The following MED24 variants were observed in gnomAD, a reference collection of about 807,000 sequenced individuals.
The protein encoded by MED24 is mediator of RNA polymerase II transcription subunit 24.
In MED24, 74 loss-of-function variants were observed where a neutral mutation model predicts 118.8. The observed-to-expected ratio is 0.62, with a 90% CI of 0.52 to 0.76. MED24 has a LOEUF of 0.76. MED24 is among the 30% of genes least tolerant of loss of function. MED24 has a pLI of 0.00. For missense variants in MED24, 1,041 were observed against 1,278.9 expected, an observed-to-expected ratio of 0.81 and a Z score of 2.84; for synonymous variants, 521 against 523.9, an observed-to-expected ratio of 0.99 and a Z score of 0.08.
chr17:40,052,098 G>T (rs112555635), intron 3 of MED24, among the ~76,000 whole-genome samples: 1 of 152,092 alleles, frequency 6.6e-6, no homozygotes, highest in South Asian at 2.1e-4. Context: ...TTCAAGACCA[G>T]CCTGGCCAAT....
chr17:40,036,686 C>CAAAAAA (rs68118020), intron 3 of MED24, among the ~76,000 whole-genome samples: 2 of 91,412 alleles, frequency 2.2e-5, no homozygotes, highest in Non-Finnish European at 4.3e-5. Context: ...GACTCTGTCT[C>CAAAAAA]AAAAAAAAAA....
At chr17:40,052,403 C>T (rs1985954782) in intron 3 of MED24, among the ~76,000 whole-genome samples, 1 of 152,204 alleles carries the variant, frequency 6.6e-6, no homozygotes, top group Non-Finnish European at 1.5e-5. Context: ...AGCATCTGTA[C>T]TCTATCCTAA....
intron 10 of MED24, 88 bp downstream of exon 10, chr17:40,031,955 A>T (rs117551492): frequency 1.4e-6 from 2 of 1,440,350 alleles, no homozygotes; most frequent in East Asian, 4.6e-5. Context: ...TCTTCCAGGC[A>T]TGAGAACACT....
At chr17:40,047,931 T>A in intron 3 of MED24, among the ~76,000 whole-genome samples, 1 of 152,160 alleles carries the variant, frequency 6.6e-6, no homozygotes, top group East Asian at 1.9e-4. Context: ...GGTTTCACCA[T>A]GTTGGTCAGG....
intron 4 of MED24, 45 bp from the exon 5 acceptor site, chr17:40,035,840 C>G (rs369861489): frequency 1.3e-6 from 2 of 1,561,838 alleles, no homozygotes; most frequent in South Asian, 1.1e-5. Flanking sequence ...CTCCATCCAC[C>G]CCCAGGTCTC....
chr17:40,027,496 G>A (rs370396997), intron 15 of MED24, 31 bp from the exon 16 acceptor site: 59 of 1,578,014 alleles, frequency 3.7e-5, no homozygotes, highest in Non-Finnish European at 4.6e-5. Flanking sequence ...TGAGCTCCCA[G>A]ACGAGGGCAG....
intron 3 of MED24, among the ~76,000 whole-genome samples, chr17:40,047,067 C>T (rs1466522655): frequency 1.3e-5 from 2 of 151,364 alleles, no homozygotes. Context: ...GTGATCCTGC[C>T]ATTGCACACT....
rs778053085 is a variant in MED24 at position 40,026,659 on chromosome 17, G to C, written c.1797C>G (p.Phe599Leu). ...AAGGCGGGGCTACCTGGATGGACTCGAAGGCCAGGACCCCATTCTCCCAGG... is the reference window on the plus strand; with the variant it reads ...AAGGCGGGGCTACCTGGATGGACTCCAAGGCCAGGACCCCATTCTCCCAGG... ...LNAWENGVLA[F>L]ESIQKITDNI... The change falls in exon 18 of 26, where the codon TTC becomes TTG. Residue 599 changes from phenylalanine to leucine, a missense_variant. Phe to Leu is a conservative substitution (Grantham distance 22, BLOSUM62 0). This residue lies in a region of MED24 where 587 missense variants were observed against 694.4 expected (regional missense o/e 0.85). Transcript: ENST00000394128. The C allele has an allele frequency of 3.7e-6, 6 of 1,609,388 alleles. No individual in the cohort carries two copies. The Admixed American group carries it at 8.4e-5, about 23-fold the overall frequency.
rs1982247577 is a variant in MED24, at chr17:40,023,211, C to G, written c.2170G>C (p.Val724Leu). 1 of 1,614,030 alleles carries G rather than the reference C, an allele frequency of 6.2e-7. No homozygotes were observed. Among genetic ancestry groups the G allele is most frequent in the South Asian group, 1.1e-5 (1 of 91,092 alleles). ...IFAKVLEKGW[V>L]DSRSIHIFDT... Reference sequence around the variant, plus strand: ...AAGATGTGGATGGAGCGGCTGTCCACCCAGCCCTTCTCCAGCACCTTGGCA... The same window carrying G: ...AAGATGTGGATGGAGCGGCTGTCCAGCCAGCCCTTCTCCAGCACCTTGGCA... The change falls in exon 20 of 26, where the codon GTG becomes CTG. Residue 724 changes from valine (V) to leucine (L), a missense_variant. This residue lies in a region of MED24 where 587 missense variants were observed against 694.4 expected (regional missense o/e 0.85). Transcript: ENST00000394128.
Position 40,023,295 on chromosome 17 carries a change from G to T in MED24, c.2086C>A (p.Pro696Thr). ...TTGGGGGGCAGCAGGTTCCAGTAGGGCATTGTGTCCACCCCGGTGGAGGGA... is the reference window on the plus strand; with the variant it reads ...TTGGGGGGCAGCAGGTTCCAGTAGGTCATTGTGTCCACCCCGGTGGAGGGA... ...KFPSTGVDTM[P>T]YWNLLPPKRP... is the part of the protein sequence containing the mutation. Residue 696 changes from proline (P) to threonine (T), a missense_variant, in exon 20 of 26, where the codon CCC (proline) becomes ACC (threonine). By Grantham distance (38) the Pro-to-Thr change is conservative. This residue lies in a region of MED24 where 587 missense variants were observed against 694.4 expected (regional missense o/e 0.85). Coordinates refer to ENST00000394128, the MANE Select transcript of MED24 (RefSeq NM_014815.4). 6.2e-7 allele frequency: 1 copy of T among 1,614,118 alleles called. No individual in the cohort carries two copies.
At chr17:40,029,059 T>C (rs1983063229) in intron 13 of MED24, 91 bp from the exon 14 acceptor site, 2 of 1,533,016 alleles carry the variant, frequency 1.3e-6, no homozygotes, top group South Asian at 1.2e-5. Context: ...CTTCACAACC[T>C]GGAATGTAAT....
At chr17:40,026,413 C>A in intron 18 of MED24, 82 bp from the exon 19 acceptor site, 1 of 1,529,858 alleles carries the variant, frequency 6.5e-7, no homozygotes, top group Non-Finnish European at 8.9e-7. Flanking sequence ...CTGCGGGCAG[C>A]TAAGTGCAGC....
At chr17:40,021,851 G>T in intron 23 of MED24, 104 bp downstream of exon 23, 3 of 854,690 alleles carry the variant, frequency 3.5e-6, no homozygotes, top group Admixed American at 2.3e-5. Context: ...CACCCTCTCT[G>T]ACCAGCTGCA....
In MED24 at chr17:40,043,044, C is replaced by G. The variant is rs190832568; in HGVS notation, c.214-6890G>C. Among the ~76,000 whole-genome samples the G allele has an allele frequency of 9.2e-5, 14 of 152,296 alleles. No homozygotes were observed. In the East Asian group the frequency reaches 2.7e-3, roughly 29 times the overall value. The stretch of plus-strand genomic sequence containing the variant: ...TCAGCTCACCGCAAGTGCGCCTCCG[C>G]GGTTCAAAGGATTCTGCTGCCTCAG... On this transcript the variant is annotated intron_variant, in intron 3 of 25. Transcript: ENST00000394128.
At position 40,019,387 on chromosome 17, in the gene MED24, C is replaced by T. The variant is rs371295712; in HGVS notation, c.*142G>A. The T allele has an allele frequency of 2.6e-5, 18 of 687,822 alleles. No homozygotes were observed. Among genetic ancestry groups the T allele is most frequent in the Admixed American group, 2.5e-5 (1 of 39,602 alleles). The allele number at this position is 687,822 out of a possible 1,614,324, so 42.6% of individuals were successfully genotyped here. On this transcript the variant is annotated 3_prime_UTR_variant, in exon 26 of 26. Coordinates refer to ENST00000394128, the MANE Select transcript of MED24 (RefSeq NM_014815.4). Reference sequence around the variant, plus strand: ...CATCCTGGAGGTCAGGAGTCAGGAGCGGGGAACTGGAAGCCGCTAGAGGCT... The same window carrying T: ...CATCCTGGAGGTCAGGAGTCAGGAGTGGGGAACTGGAAGCCGCTAGAGGCT...
chr17:40,043,815 C>T (rs1429470639), intron 3 of MED24, among the ~76,000 whole-genome samples: 7 of 146,552 alleles, frequency 4.8e-5, no homozygotes, highest in Admixed American at 7.0e-5. Context: ...GGCATGAACC[C>T]GGGAGGTGGA....
At chr17:40,032,809 G>A (rs760316966) in intron 8 of MED24, 47 bp from the exon 9 acceptor site, 42 of 1,521,950 alleles carry the variant, frequency 2.8e-5, no homozygotes, top group South Asian at 9.0e-5. Context: ...CCCATACCCC[G>A]TCACCCTTCT....
rs1266080405 is a variant in MED24, at chr17:40,026,147, G to T, written c.1985+9C>A. The T allele has an allele frequency of 6.2e-7, 1 of 1,609,672 alleles. No individual in the cohort carries two copies. The highest frequency in any genetic ancestry group is 2.2e-5 in the East Asian group (1 of 44,780). The stretch of plus-strand genomic sequence containing the variant: ...TGAAGGGTCTGAGAAGGGAAGGCAG[G>T]TTACCGACCTCTCATTGTAGAACTG... On this transcript the variant is annotated intron_variant, in intron 19 of 25. Coordinates refer to ENST00000394128, the MANE Select transcript of MED24 (RefSeq NM_014815.4).
At chr17:40,029,262 G>A (rs765270021) in intron 13 of MED24, among the ~76,000 whole-genome samples, 1 of 152,102 alleles carries the variant, frequency 6.6e-6, no homozygotes, top group African/African-American at 2.4e-5. Flanking sequence ...GCAGTGGTGC[G>A]ATCTTGGCTC....
Sources: allele counts gnomAD v4.1 joint callset (sites outside exome capture counted in the v4.1 genomes callset), GRCh38; gene constraint gnomAD v4.1.1; regional missense constraint gnomAD v4.1.1; transcripts MANE v1.5; gene names NCBI Gene and HGNC (gene_info 2026-07-23, HGNC 2026-07-21).